Variants in RGP1 observed in about 807,000 individuals in gnomAD.
RGP1 encodes the protein RAB6A-GEF complex partner protein 2.
A neutral mutation model predicts 44.5 loss-of-function variants in RGP1; 28 were observed. The ratio of observed to expected loss-of-function variants is 0.63; its 90% confidence interval spans 0.47 to 0.86. RGP1 has a LOEUF of 0.86. RGP1 is among the 40% of genes least tolerant of loss of function. RGP1 has a pLI of 0.00. For synonymous variants in RGP1, 212 were observed against 196.7 expected (o/e 1.08, Z -0.65); for missense variants, 417 against 490.7 (o/e 0.85, Z 1.42).
chr9:35,782,810 A>ATT, the RGP1 span, among the ~76,000 whole-genome samples: 31 of 129,142 alleles, frequency 2.4e-4, no homozygotes, highest in African/African-American at 8.1e-4. Flanking sequence ...AAGTTACTTA[A>ATT]TTTTTTTTTT....
the RGP1 span, among the ~76,000 whole-genome samples, chr9:35,778,775 C>T: frequency 6.6e-6 from 1 of 152,200 alleles, no homozygotes; most frequent in Middle Eastern, 3.4e-3. Context: ...TCCTTTAGCT[C>T]CTAGATCCAC....
the RGP1 span, among the ~76,000 whole-genome samples, chr9:35,764,175 C>T: frequency 0.016 from 2,486 of 152,164 alleles, 58 homozygotes; most frequent in African/African-American, 0.057. Context: ...GTTTTGTTTT[C>T]CCACAATGGA....
Position 35,750,979 on chromosome 9 carries a change from T to C in RGP1, c.477T>C (p.Leu159=). The change falls in exon 5 of 9, where the codon CTT becomes CTC. Residue 159 remains leucine (L), a synonymous_variant. Transcript: ENST00000378078. ...ITLLRVPLRV[L]VLTGLQDVRF... Reference sequence around the variant, plus strand: ...TACTCAGAGTCCCTCTGAGGGTTCTTGTGCTGACTGGTAAGCAAGGGCTCC... The same window carrying C: ...TACTCAGAGTCCCTCTGAGGGTTCTCGTGCTGACTGGTAAGCAAGGGCTCC... The C allele has an allele frequency of 6.2e-7, 1 of 1,613,754 alleles. No homozygotes were observed. Among genetic ancestry groups the C allele is most frequent in the Non-Finnish European group, 8.5e-7 (1 of 1,179,854 alleles).
At chr9:35,787,232 T>C in the RGP1 span, among the ~76,000 whole-genome samples, 1 of 150,392 alleles carries the variant, frequency 6.6e-6, no homozygotes, top group Non-Finnish European at 1.5e-5. Context: ...CGCCCACCGC[T>C]GCCCCCTTTT....
the RGP1 span, among the ~76,000 whole-genome samples, chr9:35,765,532 C>T: frequency 6.6e-6 from 1 of 151,912 alleles, no homozygotes; most frequent in Non-Finnish European, 1.5e-5. Context: ...TGGCCCAGGC[C>T]TGTAGTCCCA....
chr9:35,774,617 G>C, the RGP1 span, among the ~76,000 whole-genome samples: 6 of 152,086 alleles, frequency 3.9e-5, no homozygotes, highest in Non-Finnish European at 8.8e-5. Flanking sequence ...CCAGCTACTG[G>C]GGAGGCTGAG....
chr9:35,750,557 G>A (rs1479489349), intron 3 of RGP1, 101 bp from the exon 4 acceptor site: 3 of 1,374,612 alleles, frequency 2.2e-6, no homozygotes, highest in Non-Finnish European at 3.1e-6. Context: ...TCACAGCAGG[G>A]ACGGAGGGCC....
rs1373846533 is a variant in RGP1 at position 35,754,250 on chromosome 9, C to T, written c.*1376C>T. On this transcript the variant is annotated 3_prime_UTR_variant, in exon 9 of 9. Coordinates refer to ENST00000378078, the MANE Select transcript of RGP1 (RefSeq NM_001080496.3). ...AGTTTCTGTCTTTCTCCCCTGGGCT[C>T]CTGTCTCACACTATCTCCCTGCCCT... is the stretch of plus-strand genomic sequence containing the variant. 7.8e-7 allele frequency: 1 copy of T among 1,289,386 alleles called. No homozygotes were observed. The highest frequency in any genetic ancestry group is 2.4e-5 in the Admixed American group (1 of 41,064). 79.9% of individuals were successfully genotyped at this position (1,289,386 alleles called of 1,614,324 possible). A position where few individuals can be genotyped will look rare whatever the true frequency, so the allele number is the denominator to read the frequency against.
the RGP1 span, among the ~76,000 whole-genome samples, chr9:35,778,087 G>A: frequency 1.3e-5 from 2 of 152,100 alleles, 1 homozygote; most frequent in African/African-American, 4.8e-5. Flanking sequence ...ATCACCTGAG[G>A]TCGGGAGTTT....
chr9:35,766,744 G>A, the RGP1 span, among the ~76,000 whole-genome samples: 5 of 152,166 alleles, frequency 3.3e-5, no homozygotes, highest in African/African-American at 1.2e-4. Context: ...TCTTTCAAAA[G>A]ACAGGTTGTA....
Position 35,750,351 on chromosome 9 carries a change from C to T in RGP1, c.225C>T (p.Asp75=). 1 of 1,613,994 alleles carries T rather than the reference C, an allele frequency of 6.2e-7. No homozygotes were observed. The highest frequency in any genetic ancestry group is 8.5e-7 in the Non-Finnish European group (1 of 1,179,892). ...CTAGTCAGCCAGATGTCCAGCCCGA[C>T]AGCCAGACTGTCTTTCTGCCACACC... ...PDSSQPDVQP[D]SQTVFLPHRG... Residue 75 remains aspartate (D), a synonymous_variant, in exon 3 of 9, where the codon GAC becomes GAT. Transcript: ENST00000378078.
rs963442983 is a variant in RGP1 at position 35,758,242 on chromosome 9, GACAA to G, written c.*5373_*5376del. The G allele has an allele frequency of 2.0e-5, 3 of 152,168 alleles. No individual in the cohort carries two copies. Among genetic ancestry groups the G allele is most frequent in the Non-Finnish European group, 2.9e-5 (2 of 68,028 alleles). 9.4% of individuals were successfully genotyped at this position (152,168 alleles called of 1,614,324 possible). A position where few individuals can be genotyped will look rare whatever the true frequency, so the allele number is the denominator to read the frequency against. On this transcript the variant is annotated 3_prime_UTR_variant, in exon 9 of 9. Transcript: ENST00000378078. The stretch of plus-strand genomic sequence containing the variant: ...TGGGAGCTTTGGACTACAGTATACA[GACAA>G]ACAACTCACAATTTTAGCATATGAG...
rs554818106 is a variant in RGP1, at chr9:35,757,401, T to C, written c.*4527T>C. On this transcript the variant is annotated 3_prime_UTR_variant, in exon 9 of 9. Coordinates refer to ENST00000378078, the MANE Select transcript of RGP1 (RefSeq NM_001080496.3). ...GTGGGGAGGGATCCCCTGGGAGAAC[T>C]TGGCGGGCCGAGAGCAGACCCCAGG... 573 of 152,562 alleles carry C rather than the reference T, an allele frequency of 3.8e-3. 2 individuals carry two copies. Among genetic ancestry groups the C allele is most frequent in the South Asian group, 7.3e-3 (35 of 4,826 alleles). The allele number at this position is 152,562 out of a possible 1,614,324, so 9.5% of individuals were successfully genotyped here. A position where few individuals can be genotyped will look rare whatever the true frequency, so the allele number is the denominator to read the frequency against.
the RGP1 span, among the ~76,000 whole-genome samples, chr9:35,764,891 C>A: frequency 1.3e-5 from 2 of 152,084 alleles, no homozygotes; most frequent in Non-Finnish European, 2.9e-5. Context: ...TTTGGGATGC[C>A]GAGGTGGGCA....
the RGP1 span, among the ~76,000 whole-genome samples, chr9:35,764,954 T>C: frequency 1.3e-5 from 2 of 151,850 alleles, no homozygotes. Context: ...GGTGAAATCC[T>C]GTCTTGACTA....
In RGP1 at chr9:35,751,716, A is replaced by T; in HGVS notation, c.724A>T (p.Thr242Ser). The T allele has an allele frequency of 6.2e-7, 1 of 1,613,910 alleles. No homozygotes were observed. The highest frequency in any genetic ancestry group is 8.5e-7 in the Non-Finnish European group (1 of 1,179,870). ...CAGACTTGGCGAGGACGTGGTGGGG[A>T]CCTTAAACTTAGGGGAAGGAACCGT... ...VYRLGEDVVG[T>S]LNLGEGTVAC... Residue 242 changes from threonine to serine, a missense_variant, in exon 7 of 9, where the codon ACC (threonine) becomes TCC (serine). By Grantham distance (58) the Thr-to-Ser change is moderately conservative. Transcript: ENST00000378078.
In RGP1 at chr9:35,750,377, G is replaced by A; in HGVS notation, c.251G>A (p.Arg84Gln). 6.2e-7 allele frequency: 1 copy of A among 1,613,882 alleles called. No individual in the cohort carries two copies. Among genetic ancestry groups the A allele is most frequent in the Non-Finnish European group, 8.5e-7 (1 of 1,179,836 alleles). Residue 84 changes from arginine (R) to glutamine (Q), a missense_variant and splice_region_variant, in exon 3 of 9, where the codon CGA (arginine) becomes CAA (glutamine). Arg to Gln is a conservative substitution (Grantham distance 43, BLOSUM62 1). Transcript: ENST00000378078. ...AGCCAGACTGTCTTTCTGCCACACC[G>A]AGGTTAGAGAGGGGCATTTGCCTGG... ...PDSQTVFLPH[R>Q]GERGQCILST... is the part of the protein sequence containing the mutation.
the RGP1 span, among the ~76,000 whole-genome samples, chr9:35,784,894 C>G: frequency 3.3e-5 from 5 of 152,274 alleles, no homozygotes; most frequent in East Asian, 9.6e-4. Context: ...CAGGCACACA[C>G]CACCCCTCTC....
Position 35,751,337 on chromosome 9 carries a change from G to A in RGP1, c.559G>A (p.Gly187Ser). 1.2e-6 allele frequency: 2 copies of A among 1,614,004 alleles called. No individual in the cohort carries two copies. The highest frequency in any genetic ancestry group is 1.7e-6 in the Non-Finnish European group (2 of 1,179,880). ...PSSPFLEEDE[G>S]GKKDSWLAEL... The stretch of plus-strand genomic sequence containing the variant: ...CAGTCCATTCTTGGAGGAGGATGAA[G>A]GTGGGAAGAAAGATTCATGGCTAGC... Residue 187 changes from glycine to serine, a missense_variant, in exon 6 of 9, where the codon GGT (glycine) becomes AGT (serine). Physicochemically the swap from Gly to Ser is moderately conservative, Grantham distance 56 (BLOSUM62 0). Transcript: ENST00000378078.
Sources: allele counts gnomAD v4.1 joint callset (sites outside exome capture counted in the v4.1 genomes callset), GRCh38; gene constraint gnomAD v4.1.1; transcripts MANE v1.5; gene names NCBI Gene and HGNC (gene_info 2026-07-23, HGNC 2026-07-21).